The following CNTN4 variants were observed in gnomAD, a reference collection of about 807,000 sequenced individuals.
CNTN4 encodes contactin 4, also known as contactin-4.
In CNTN4, 77 loss-of-function variants were observed where a neutral mutation model predicts 122.5. The ratio of observed to expected loss-of-function variants is 0.63; its 90% CI spans 0.52 to 0.76. The LOEUF (loss-of-function observed/expected upper bound fraction) is 0.76, where lower values mean the gene tolerates loss of function less well. Among genes scored for constraint, CNTN4 ranks in the 30% least tolerant of loss-of-function variants. The pLI is 0.00. For synonymous variants in CNTN4, 512 were observed against 447.0 expected (o/e 1.15, Z -1.83); for missense variants, 1,256 against 1,259.1 (o/e 1.00, Z 0.04).
intron 2 of CNTN4, among the ~76,000 whole-genome samples, chr3:2,116,846 G>A (rs112193430): frequency 1.7e-4 from 26 of 152,196 alleles, no homozygotes; most frequent in Non-Finnish European, 2.4e-4. Flanking sequence ...AGAATAATCC[G>A]GTTAATCGAT....
chr3:2,294,321 AG>A (rs1247481509), intron 2 of CNTN4, among the ~76,000 whole-genome samples: 1 of 134,596 alleles, frequency 7.4e-6, no homozygotes, highest in Non-Finnish European at 1.7e-5. Context: ...ACCTCACTCA[AG>A]AGCTTGTTAA....
At chr3:2,922,608 ATTTTTTTTT>A (rs547782541) in intron 12 of CNTN4, among the ~76,000 whole-genome samples, 1 of 110,016 alleles carries the variant, frequency 9.1e-6, no homozygotes, top group Non-Finnish European at 1.8e-5. Flanking sequence ...AAAGAACTTG[ATTTTTTTTT>A]TTTTTTTTTT....
At position 2,368,064 on chromosome 3, in the gene CNTN4, G is replaced by A. The variant is rs546779292; in HGVS notation, c.-89+28831G>A. Among the ~76,000 whole-genome samples the A allele has an allele frequency of 1.5e-4, 19 of 130,172 alleles. No homozygotes were observed. The South Asian group carries it at 3.9e-3, about 26-fold the overall frequency. The allele number at this position is 130,172 out of a possible 152,430, so 85.4% of individuals were successfully genotyped here. A position where few individuals can be genotyped will look rare whatever the true frequency, so the allele number is the denominator to read the frequency against. On this transcript the variant is annotated intron_variant, in intron 3 of 24. Transcript: ENST00000418658. ...TTTTTTTTTTTTGAGGTGGAGTGTCGCTCTGTCGCCCAGGCTGGAGTGCAG... is the reference window on the plus strand; with the variant it reads ...TTTTTTTTTTTTGAGGTGGAGTGTCACTCTGTCGCCCAGGCTGGAGTGCAG...
At chr3:2,838,208 C>T (rs1042070910) in intron 7 of CNTN4, among the ~76,000 whole-genome samples, 6 of 152,174 alleles carry the variant, frequency 3.9e-5, no homozygotes, top group Non-Finnish European at 7.3e-5. Context: ...CATAAGCTTT[C>T]GTGCGGCTAT....
intron 2 of CNTN4, among the ~76,000 whole-genome samples, chr3:2,106,102 C>G (rs1401153376): frequency 6.6e-6 from 1 of 152,234 alleles, no homozygotes; most frequent in African/African-American, 2.4e-5. Context: ...GGTGGGCTCC[C>G]ACTGTCTGGG....
At chr3:2,202,184 G>A (rs1333320845) in intron 2 of CNTN4, among the ~76,000 whole-genome samples, 1 of 152,126 alleles carries the variant, frequency 6.6e-6, no homozygotes, top group Non-Finnish European at 1.5e-5. Context: ...CCATTAAGCA[G>A]TTCTTCATTT....
intron 12 of CNTN4, among the ~76,000 whole-genome samples, chr3:2,923,903 A>G (rs1333182359): frequency 6.6e-6 from 1 of 152,148 alleles, no homozygotes; most frequent in Non-Finnish European, 1.5e-5. Flanking sequence ...TTTTTATTGC[A>G]TGATTTTGCA....
chr3:2,781,925 G>A (rs941276270), intron 6 of CNTN4, among the ~76,000 whole-genome samples: 11 of 145,802 alleles, frequency 7.5e-5, no homozygotes, highest in South Asian at 2.2e-4. Context: ...GGGCTTCACC[G>A]TGTTAGCCAG....
chr3:2,682,374 T>G (rs1371054482), intron 4 of CNTN4, among the ~76,000 whole-genome samples: 2 of 152,126 alleles, frequency 1.3e-5, no homozygotes, highest in East Asian at 1.9e-4. Context: ...GTTCTTAACT[T>G]TTTTTTACTG....
At chr3:2,677,193 A>G (rs1255433911) in intron 4 of CNTN4, among the ~76,000 whole-genome samples, 1 of 148,946 alleles carries the variant, frequency 6.7e-6, no homozygotes, top group East Asian at 2.0e-4. Flanking sequence ...ATATAGATAT[A>G]TCTCTCTCTA....
chr3:2,246,114 C>T (rs975418252), intron 2 of CNTN4, among the ~76,000 whole-genome samples: 1 of 151,866 alleles, frequency 6.6e-6, no homozygotes, highest in African/African-American at 2.4e-5. Context: ...AATTTTAACC[C>T]TACATTCTCT....
chr3:2,843,997 G>A (rs894428669), intron 7 of CNTN4, among the ~76,000 whole-genome samples: 6 of 152,050 alleles, frequency 3.9e-5, no homozygotes, highest in Non-Finnish European at 7.4e-5. Flanking sequence ...CTGGCCCCTG[G>A]CCATCTGTCC....
intron 4 of CNTN4, among the ~76,000 whole-genome samples, chr3:2,662,891 G>A (rs895268198): frequency 2.0e-5 from 3 of 152,044 alleles, no homozygotes; most frequent in Non-Finnish European, 4.4e-5. Context: ...TCAGGAGTTC[G>A]AGACCAGCCT....
rs75176224 is a variant in CNTN4 at position 2,181,190 on chromosome 3, G to A, written c.-145+80551G>A. Among the ~76,000 whole-genome samples, 1,426 of 151,924 alleles carry A rather than the reference G, an allele frequency of 9.4e-3. 20 individuals carry two copies. Among genetic ancestry groups the A allele is most frequent in the African/African-American group, 0.033 (1,353 of 41,462 alleles). ...ATGCATTATTGAAAAAAATATATTA[G>A]GTGCTGAAAGTTACACTCATGAATA... On this transcript the variant is annotated intron_variant, in intron 2 of 24. Coordinates refer to ENST00000418658, the MANE Select transcript of CNTN4 (RefSeq NM_175607.3).
intron 3 of CNTN4, among the ~76,000 whole-genome samples, chr3:2,472,071 C>T (rs147196800): frequency 8.3e-4 from 124 of 149,474 alleles, no homozygotes; most frequent in African/African-American, 2.6e-3. Context: ...CAAAATTAGC[C>T]GGGGGTGGTG....
In CNTN4 at chr3:2,716,348, AT is replaced by A. The variant is rs1160469401; in HGVS notation, c.56-19865del. ...ATGATATATCTAATATTATTATATT[AT>A]TATTATGGGATTTATCTTACAAGAT... On this transcript the variant is annotated intron_variant, in intron 4 of 24. Coordinates refer to ENST00000418658, the MANE Select transcript of CNTN4 (RefSeq NM_175607.3). Among the ~76,000 whole-genome samples, 9 of 151,280 alleles carry A rather than the reference AT, an allele frequency of 5.9e-5. No individual in the cohort carries two copies. In the South Asian group the frequency reaches 1.7e-3, roughly 28 times the overall value.
At chr3:2,837,549 G>T (rs779801844) in intron 7 of CNTN4, among the ~76,000 whole-genome samples, 4 of 152,150 alleles carry the variant, frequency 2.6e-5, no homozygotes, top group Non-Finnish European at 5.9e-5. Context: ...TTGGCTTTCT[G>T]CAGGGAATGA....
intron 4 of CNTN4, among the ~76,000 whole-genome samples, chr3:2,734,359 G>C (rs80263693): frequency 0.017 from 2,514 of 152,290 alleles, 65 homozygotes; most frequent in African/African-American, 0.057. Context: ...ACGATGCCCA[G>C]CCTGTTTTCC....
intron 4 of CNTN4, among the ~76,000 whole-genome samples, chr3:2,646,472 T>A (rs1360930823): frequency 1.3e-5 from 2 of 152,198 alleles, no homozygotes; most frequent in Admixed American, 6.5e-5. Context: ...GTGGTCAGAA[T>A]TGAAGGGGTT....
Sources: allele counts gnomAD v4.1 joint callset (sites outside exome capture counted in the v4.1 genomes callset), GRCh38; gene constraint gnomAD v4.1.1; transcripts MANE v1.5; gene names NCBI Gene and HGNC (gene_info 2026-07-23, HGNC 2026-07-21).